Variants in CNOT4 observed in about 807,000 individuals in gnomAD.
The protein encoded by CNOT4 is CCR4-associated factor 4.
CNOT4 carries 8 observed loss-of-function variants against 73.8 expected under a neutral mutation model. The ratio of observed to expected loss-of-function variants is 0.11; its 90% CI spans 0.06 to 0.20. CNOT4 has a LOEUF of 0.20. CNOT4 is among the 10% of genes least tolerant of loss of function. CNOT4 has a pLI of 1.00. For missense variants in CNOT4, 564 were observed against 883.4 expected (o/e 0.64, Z 4.58); for synonymous variants, 293 against 321.1 (o/e 0.91, Z 0.94).
chr7:135,447,045 A>G (rs1277823286), intron 1 of CNOT4, among the ~76,000 whole-genome samples: 1 of 144,270 alleles, frequency 6.9e-6, no homozygotes, highest in African/African-American at 2.4e-5. Flanking sequence ...TATACCATGC[A>G]GCTACAACAT....
At chr7:135,412,737 C>T (rs1413391372) in intron 6 of CNOT4, among the ~76,000 whole-genome samples, 1 of 151,954 alleles carries the variant, frequency 6.6e-6, no homozygotes, top group East Asian at 1.9e-4. Flanking sequence ...ATGCCCCCCA[C>T]CTTCTAAATG....
intron 1 of CNOT4, among the ~76,000 whole-genome samples, chr7:135,469,181 A>C (rs1173582841): frequency 6.6e-6 from 1 of 152,122 alleles, no homozygotes; most frequent in Non-Finnish European, 1.5e-5. Flanking sequence ...TTTATTCAAC[A>C]AATTATTTAT....
chr7:135,461,780 C>T (rs1304587316), intron 1 of CNOT4, among the ~76,000 whole-genome samples: 2 of 151,866 alleles, frequency 1.3e-5, no homozygotes, highest in East Asian at 1.9e-4. Context: ...TGCAGTAAGC[C>T]GAGATCGCAC....
intron 6 of CNOT4, 65 bp from the exon 7 acceptor site, chr7:135,410,713 A>T: frequency 9.5e-7 from 1 of 1,057,002 alleles, no homozygotes; most frequent in African/African-American, 1.7e-5. Context: ...AATACTGAAT[A>T]ATCTTCTGAA....
chr7:135,439,987 A>AG (rs1401203866), intron 1 of CNOT4, among the ~76,000 whole-genome samples: 1 of 152,070 alleles, frequency 6.6e-6, no homozygotes, highest in African/African-American at 2.4e-5. Context: ...GAAGTGTTAA[A>AG]GAAAAAAAAA....
chr7:135,422,102 G>A, intron 3 of CNOT4, 54 bp downstream of exon 3: 1 of 1,044,088 alleles, frequency 9.6e-7, no homozygotes, highest in Non-Finnish European at 1.5e-6. Flanking sequence ...TTATTTCCAA[G>A]TAAGACAAGG....
intron 1 of CNOT4, among the ~76,000 whole-genome samples, chr7:135,450,703 G>A (rs1472131045): frequency 1.3e-5 from 2 of 152,144 alleles, no homozygotes; most frequent in Non-Finnish European, 1.5e-5. Flanking sequence ...AAAAATGTGC[G>A]TAAACTGAAT....
chr7:135,439,285 T>C (rs1353331101), intron 1 of CNOT4, among the ~76,000 whole-genome samples: 1 of 152,122 alleles, frequency 6.6e-6, no homozygotes, highest in African/African-American at 2.4e-5. Flanking sequence ...TGGTAATTTT[T>C]TACATAATTG....
chr7:135,385,202 C>G lies in CNOT4; in HGVS notation c.1627+8716G>C, dbSNP rs182049002. Among the ~76,000 whole-genome samples, 148 of 152,334 alleles carry G rather than the reference C, an allele frequency of 9.7e-4. 1 individual carries two copies. The highest frequency in any genetic ancestry group is 3.4e-3 in the African/African-American group (142 of 41,574). ...ACATTTTTGCTAAGAACCTATAGTT[C>G]TCTACCACTGACCACATTCACATCA... On this transcript the variant is annotated intron_variant, in intron 10 of 11. Coordinates refer to ENST00000541284, the MANE Select transcript of CNOT4 (RefSeq NM_001190850.2).
intron 10 of CNOT4, among the ~76,000 whole-genome samples, chr7:135,370,251 A>C (rs1371277483): frequency 6.6e-6 from 1 of 152,232 alleles, no homozygotes; most frequent in Non-Finnish European, 1.5e-5. Flanking sequence ...AAGAGTTCTG[A>C]GCAGAAACAA....
At chr7:135,460,749 G>A (rs1317153368) in intron 1 of CNOT4, among the ~76,000 whole-genome samples, 2 of 151,938 alleles carry the variant, frequency 1.3e-5, no homozygotes, top group African/African-American at 4.8e-5. Flanking sequence ...TTGACTCAGG[G>A]TTGCCACAAA....
chr7:135,403,770 A>G (rs1797127861), intron 7 of CNOT4, among the ~76,000 whole-genome samples: 1 of 152,222 alleles, frequency 6.6e-6, no homozygotes, highest in South Asian at 2.1e-4. Flanking sequence ...ACAAAGAATT[A>G]GTTTTTAATA....
At chr7:135,506,845 C>CAA (rs35388349) in intron 1 of CNOT4, among the ~76,000 whole-genome samples, 1 of 114,562 alleles carries the variant, frequency 8.7e-6, no homozygotes. Flanking sequence ...GAGACTGTCT[C>CAA]AAAAAAAAAA....
At position 135,456,643 on chromosome 7, in the gene CNOT4, C is replaced by A. The variant is rs149664728; in HGVS notation, c.-92-18220G>T. Among the ~76,000 whole-genome samples, 9 of 152,172 alleles carry A rather than the reference C, an allele frequency of 5.9e-5. No homozygotes were observed. The East Asian group carries it at 1.7e-3, about 29-fold the overall frequency. ...GTTTACTATTTGCATATTACATATGCAATCCTCCCATTTATTTTAAATCAT... is the reference window on the plus strand; with the variant it reads ...GTTTACTATTTGCATATTACATATGAAATCCTCCCATTTATTTTAAATCAT... On this transcript the variant is annotated intron_variant, in intron 1 of 11. Coordinates refer to ENST00000541284, the MANE Select transcript of CNOT4 (RefSeq NM_001190850.2).
At chr7:135,451,515 ACT>A (rs1392437097) in intron 1 of CNOT4, among the ~76,000 whole-genome samples, 41 of 152,002 alleles carry the variant, frequency 2.7e-4, no homozygotes, top group Non-Finnish European at 5.9e-5. Flanking sequence ...GTGGTCTCGA[ACT>A]CCTGGACTCA....
rs1796801955 is a variant in CNOT4, at chr7:135,398,198, T to C, written c.850A>G (p.Ser284Gly). The change falls in exon 8 of 12, where the codon AGT becomes GGT. Residue 284 changes from serine (S) to glycine (G), a missense_variant. Physicochemically the swap from Ser to Gly is moderately conservative, Grantham distance 56. Around this residue, in one of 10 missense-constraint regions of CNOT4, gnomAD observed 135 missense variants for 154.0 expected, o/e 0.88. Coordinates refer to ENST00000541284, the MANE Select transcript of CNOT4 (RefSeq NM_001190850.2). The stretch of plus-strand genomic sequence containing the variant: ...TGGGAATTATCACCGTTCCCTATAC[T>C]GAGAGAATCTGAAGGTTTGTCAATG... Reference protein sequence around the residue: ...TPIDKPSDSLSIGNGDNSQQI... With the variant: ...TPIDKPSDSLGIGNGDNSQQI... 3.2e-6 allele frequency: 5 copies of C among 1,550,832 alleles called. No individual in the cohort carries two copies. The South Asian group carries it at 3.4e-5, about 10-fold the overall frequency.
chr7:135,472,394 G>A lies in CNOT4; in HGVS notation c.-92-33971C>T, dbSNP rs1427735626. On this transcript the variant is annotated intron_variant, in intron 1 of 11. Coordinates refer to ENST00000541284, the MANE Select transcript of CNOT4 (RefSeq NM_001190850.2). ...CAGAAGGCTGAGGCAGGAGAATGGC[G>A]TGAACCTGGGACGCGGAGCTTGCAG... 6.4e-5 allele frequency among the ~76,000 whole-genome samples: 9 copies of A among 140,092 alleles called. No homozygotes were observed. In the East Asian group the frequency reaches 1.1e-3, roughly 17 times the overall value. 91.9% of individuals were successfully genotyped at this position (140,092 alleles called of 152,430 possible).
chr7:135,470,282 C>T (rs900876386), intron 1 of CNOT4, among the ~76,000 whole-genome samples: 1 of 151,902 alleles, frequency 6.6e-6, no homozygotes, highest in Non-Finnish European at 1.5e-5. Flanking sequence ...GGGCACATAA[C>T]CCCATGCCCC....
In CNOT4 at chr7:135,509,795, G is replaced by A. The variant is rs533174558; in HGVS notation, c.-93+94C>T. 8.1e-6 allele frequency: 3 copies of A among 371,180 alleles called. No individual in the cohort carries two copies. The East Asian group carries it at 1.2e-4, about 15-fold the overall frequency. The allele number at this position is 371,180 out of a possible 1,614,324, so 23.0% of individuals were successfully genotyped here. ...GATGAGGCGGGGGGTGGGGAGAAAGGGGGGTGCGGCCTGTACAGTCCCAGC... is the reference window on the plus strand; with the variant it reads ...GATGAGGCGGGGGGTGGGGAGAAAGAGGGGTGCGGCCTGTACAGTCCCAGC... On this transcript the variant is annotated intron_variant, in intron 1 of 11. Transcript: ENST00000541284.
Sources: gnomAD v4.1 joint callset for allele counts (sites outside exome capture counted in the v4.1 genomes callset) on GRCh38, gnomAD v4.1.1 for gene constraint, gnomAD v4.1.1 regional missense constraint, MANE v1.5 for transcripts, NCBI Gene and HGNC (gene_info 2026-07-23, HGNC 2026-07-21) for gene names.